The following PRUNE2 variants were observed in gnomAD, a reference collection of about 807,000 sequenced individuals.
The protein encoded by PRUNE2 is prune homolog 2 with BCH domain, also known as protein prune homolog 2.
PRUNE2 carries 164 observed loss-of-function variants against 252.0 expected under a neutral mutation model. The observed-to-expected ratio is 0.65, with a 90% CI of 0.57 to 0.74. The LOEUF (loss-of-function observed/expected upper bound fraction) is 0.74, where lower values mean the gene tolerates loss of function less well. Among genes scored for constraint, PRUNE2 ranks in the 30% least tolerant of loss-of-function variants. The pLI, the probability that PRUNE2 is intolerant of heterozygous loss-of-function variation, is 0.00. For missense variants in PRUNE2, 3,495 were observed against 3,711.0 expected, an observed-to-expected ratio of 0.94 and a Z score of 1.51; for synonymous variants, 1,292 against 1,350.2, an observed-to-expected ratio of 0.96 and a Z score of 0.94.
intron 9 of PRUNE2, among the ~76,000 whole-genome samples, chr9:76,671,444 G>A (rs2041456529): frequency 6.6e-6 from 1 of 151,156 alleles, no homozygotes; most frequent in South Asian, 2.1e-4. Flanking sequence ...ACCTGAAAGT[G>A]ATGGGGAGAA....
chr9:76,853,113 C>A (rs967131527), intron 2 of PRUNE2, among the ~76,000 whole-genome samples: 18 of 152,160 alleles, frequency 1.2e-4, no homozygotes, highest in African/African-American at 4.1e-4. Context: ...CAATTAATCT[C>A]CCTTGTAAAG....
At chr9:76,638,747 C>T (rs1355894984) in intron 12 of PRUNE2, among the ~76,000 whole-genome samples, 1 of 152,166 alleles carries the variant, frequency 6.6e-6, no homozygotes, top group East Asian at 1.9e-4. Context: ...GTCTTAGACA[C>T]TGCTTAATTT....
chr9:76,768,601 G>C (rs1455674102), intron 6 of PRUNE2, among the ~76,000 whole-genome samples: 1 of 150,544 alleles, frequency 6.6e-6, no homozygotes, highest in African/African-American at 2.5e-5. Flanking sequence ...GTGTGTGTGT[G>C]TGTGTGTGTG....
intron 16 of PRUNE2, among the ~76,000 whole-genome samples, chr9:76,624,699 C>T (rs1266446765): frequency 6.6e-6 from 1 of 152,204 alleles, no homozygotes; most frequent in African/African-American, 2.4e-5. Flanking sequence ...TTTGCAAATT[C>T]CTTCATAAAA....
intron 6 of PRUNE2, chr9:76,819,470 C>G (rs974549380): frequency 6.6e-6 from 1 of 152,134 alleles, no homozygotes; most frequent in African/African-American, 2.4e-5. Flanking sequence ...AGATTCTCTC[C>G]CACAGCTCTT....
rs115648610 is a variant in PRUNE2 at position 76,761,562 on chromosome 9, G to A, written c.757-47841C>T. ...ATTTTATCTCTGGACATCAAAGCCC[G>A]GGGTCAAATGATTGCTTTTCTCTTT... On this transcript the variant is annotated intron_variant, in intron 6 of 18. Coordinates refer to ENST00000376718, the MANE Select transcript of PRUNE2 (RefSeq NM_015225.3). Among the ~76,000 whole-genome samples, 137 of 152,204 alleles carry A rather than the reference G, an allele frequency of 9.0e-4. 1 individual carries two copies. Among genetic ancestry groups the A allele is most frequent in the African/African-American group, 3.1e-3 (128 of 41,526 alleles).
In PRUNE2 at chr9:76,703,522, T is replaced by C. The variant is rs1323557416; in HGVS notation, c.8091A>G (p.Gln2697=). 1 of 1,613,890 alleles carries C rather than the reference T, an allele frequency of 6.2e-7. No individual in the cohort carries two copies. The highest frequency in any genetic ancestry group is 8.5e-7 in the Non-Finnish European group (1 of 1,179,872). The stretch of plus-strand genomic sequence containing the variant: ...TGCCTCGGCTCTTACTCTTCTGTGA[T>C]TGGCTGACTGGACCAGAGGCTTCCT... ...ALEEASGPVS[Q]SQKSKSRGRA... is the part of the protein sequence containing the mutation. The change falls in exon 9 of 19, where the codon CAA becomes CAG. Residue 2697 remains glutamine (Q), a synonymous_variant. Transcript: ENST00000376718.
chr9:76,818,468 G>A (rs991857748), intron 6 of PRUNE2, among the ~76,000 whole-genome samples: 2 of 152,170 alleles, frequency 1.3e-5, no homozygotes, highest in Non-Finnish European at 1.5e-5. Context: ...CCAAGGTGCA[G>A]TATGGCTGGT....
At chr9:76,623,573 G>T (rs1002937901) in intron 17 of PRUNE2, among the ~76,000 whole-genome samples, 1 of 152,164 alleles carries the variant, frequency 6.6e-6, no homozygotes, top group African/African-American at 2.4e-5. Context: ...GATTACAGGG[G>T]TCTGACTTTC....
chr9:76,689,606 G>A (rs1398829962), intron 9 of PRUNE2, among the ~76,000 whole-genome samples: 1 of 152,020 alleles, frequency 6.6e-6, no homozygotes, highest in Non-Finnish European at 1.5e-5. Flanking sequence ...TGATCCTCCT[G>A]CCTCAGCCTC....
chr9:76,780,869 C>T (rs1302314052), intron 6 of PRUNE2, among the ~76,000 whole-genome samples: 2 of 152,166 alleles, frequency 1.3e-5, no homozygotes, highest in Non-Finnish European at 2.9e-5. Context: ...CCCAGGACCA[C>T]GCAGGCTACG....
At chr9:76,842,692 T>C (rs749307072) in intron 4 of PRUNE2, among the ~76,000 whole-genome samples, 1 of 152,088 alleles carries the variant, frequency 6.6e-6, no homozygotes, top group Non-Finnish European at 1.5e-5. Flanking sequence ...GAGACACTTC[T>C]CAAAAGAAGT....
intron 4 of PRUNE2, among the ~76,000 whole-genome samples, chr9:76,837,887 T>G (rs1299487198): frequency 6.6e-6 from 1 of 151,306 alleles, no homozygotes; most frequent in Non-Finnish European, 1.5e-5. Context: ...TTCTCCTGCC[T>G]CAGCCTCCTG....
At chr9:76,694,144 A>G (rs896704821) in intron 9 of PRUNE2, among the ~76,000 whole-genome samples, 2 of 152,000 alleles carry the variant, frequency 1.3e-5, no homozygotes, top group African/African-American at 4.8e-5. Flanking sequence ...TACAGAACAG[A>G]CACTGTAACT....
chr9:76,871,119 G>C (rs1395084208), intron 1 of PRUNE2, among the ~76,000 whole-genome samples: 1 of 152,142 alleles, frequency 6.6e-6, no homozygotes, highest in Non-Finnish European at 1.5e-5. Context: ...ACCAAAGCCT[G>C]TGCATTTAAG....
intron 6 of PRUNE2, among the ~76,000 whole-genome samples, chr9:76,728,320 C>T (rs2048295876): frequency 6.6e-6 from 1 of 151,960 alleles, no homozygotes; most frequent in Non-Finnish European, 1.5e-5. Context: ...ATTCTCAACC[C>T]CGGCTATACC....
intron 9 of PRUNE2, among the ~76,000 whole-genome samples, chr9:76,699,652 A>C (rs942415027): frequency 2.0e-5 from 3 of 152,186 alleles, no homozygotes; most frequent in African/African-American, 7.2e-5. Flanking sequence ...TATAGACTTC[A>C]GACTTGCCAG....
rs757241512 is a variant in PRUNE2, at chr9:76,709,149, G to C, written c.3125C>G (p.Ser1042Cys). The C allele has an allele frequency of 2.5e-6, 4 of 1,613,980 alleles. No homozygotes were observed. Among genetic ancestry groups the C allele is most frequent in the Non-Finnish European group, 2.5e-6 (3 of 1,179,896 alleles). The change falls in exon 8 of 19, where the codon TCT becomes TGT. Residue 1042 changes from serine (S) to cysteine (C), a missense_variant. Ser to Cys is a moderately radical substitution (Grantham distance 112, BLOSUM62 -1). Coordinates refer to ENST00000376718, the MANE Select transcript of PRUNE2 (RefSeq NM_015225.3). ...MWASPHTDNS[S>C]EINTTHNLDE... Reference sequence around the variant, plus strand: ...CAGGTTGTGAGTGGTATTTATTTCAGAACTGTTATCTGTATGAGGTGAAGC... The same window carrying C: ...CAGGTTGTGAGTGGTATTTATTTCACAACTGTTATCTGTATGAGGTGAAGC...
rs1828197515 is a variant in PRUNE2, at chr9:76,613,818, G to A, written c.*752C>T. The A allele has an allele frequency of 2.0e-5, 3 of 152,124 alleles. No individual in the cohort carries two copies. The highest frequency in any genetic ancestry group is 2.0e-4 in the Admixed American group (3 of 15,260). 9.4% of individuals were successfully genotyped at this position (152,124 alleles called of 1,614,324 possible). On this transcript the variant is annotated 3_prime_UTR_variant, in exon 19 of 19. Transcript: ENST00000376718. ...CTTGGCACTTAAAAGGTAACCTCTGGAGCTGAGTTTATGGCCTGAAACTCA... is the reference window on the plus strand; with the variant it reads ...CTTGGCACTTAAAAGGTAACCTCTGAAGCTGAGTTTATGGCCTGAAACTCA...
Sources: allele counts gnomAD v4.1 joint callset (sites outside exome capture counted in the v4.1 genomes callset), GRCh38; gene constraint gnomAD v4.1.1; transcripts MANE v1.5; gene names NCBI Gene and HGNC (gene_info 2026-07-23, HGNC 2026-07-21).